PLD5: variants seen among roughly 807,000 people sequenced by gnomAD.
PLD5 encodes the protein phospholipase D family member 5.
A neutral mutation model predicts 61.1 loss-of-function variants in PLD5; 36 were observed. That is an observed-to-expected ratio of 0.59 (90% CI 0.45 to 0.78). The LOEUF is 0.78. Among genes scored for constraint, PLD5 ranks in the 30% least tolerant of loss-of-function variants. PLD5 has a pLI of 0.00. For synonymous variants in PLD5, 243 were observed against 242.8 expected (o/e 1.00, Z -0.01); for missense variants, 515 against 644.4 (o/e 0.80, Z 2.17).
chr1:242,452,533 AGGCTG>A (rs1397914328), intron 1 of PLD5, among the ~76,000 whole-genome samples: 1 of 152,170 alleles, frequency 6.6e-6, no homozygotes, highest in Non-Finnish European at 1.5e-5. Context: ...GTGGACATCC[AGGCTG>A]GGCACGATGA....
At chr1:242,204,825 G>A (rs565712298) in intron 5 of PLD5, among the ~76,000 whole-genome samples, 6 of 152,200 alleles carry the variant, frequency 3.9e-5, no homozygotes, top group South Asian at 2.1e-4. Flanking sequence ...AATCAATTTC[G>A]GTTCTATCTG....
chr1:242,168,842 T>G (rs895682502), intron 5 of PLD5, among the ~76,000 whole-genome samples: 1 of 114,088 alleles, frequency 8.8e-6, no homozygotes, highest in Non-Finnish European at 1.7e-5. Flanking sequence ...TTTTAATTAA[T>G]GAAGTTTTTT....
chr1:242,369,253 G>A (rs1247843181), intron 1 of PLD5, among the ~76,000 whole-genome samples: 1 of 152,200 alleles, frequency 6.6e-6, no homozygotes, highest in Non-Finnish European at 1.5e-5. Context: ...GAACTGTAAT[G>A]GGTGGAGGTT....
chr1:242,297,675 C>T (rs1462775318), intron 2 of PLD5, among the ~76,000 whole-genome samples: 1 of 144,188 alleles, frequency 6.9e-6, no homozygotes, highest in Admixed American at 7.0e-5. Context: ...CTCTGTCGCC[C>T]AGGCCGGACT....
At chr1:242,109,964 T>C (rs1661351095) in intron 7 of PLD5, among the ~76,000 whole-genome samples, 1 of 151,116 alleles carries the variant, frequency 6.6e-6, no homozygotes, top group African/African-American at 2.4e-5. Flanking sequence ...AGGAGACTAT[T>C]AGAACACAGA....
At chr1:242,451,120 G>A (rs1666760597) in intron 1 of PLD5, among the ~76,000 whole-genome samples, 1 of 152,134 alleles carries the variant, frequency 6.6e-6, no homozygotes, top group African/African-American at 2.4e-5. Context: ...CTACTGCAGT[G>A]TGACCAGGAA....
At chr1:242,324,342 C>T (rs544861718) in intron 2 of PLD5, among the ~76,000 whole-genome samples, 5 of 152,230 alleles carry the variant, frequency 3.3e-5, no homozygotes, top group African/African-American at 9.6e-5. Flanking sequence ...AATTTGCACG[C>T]TAAGCAAAAG....
At chr1:242,434,788 T>C (rs1458717912) in intron 1 of PLD5, among the ~76,000 whole-genome samples, 1 of 152,090 alleles carries the variant, frequency 6.6e-6, no homozygotes, top group African/African-American at 2.4e-5. Context: ...TAATTTTTTG[T>C]ATGTTTAGTA....
intron 1 of PLD5, among the ~76,000 whole-genome samples, chr1:242,353,573 T>A (rs1660592862): frequency 6.6e-6 from 1 of 152,136 alleles, no homozygotes; most frequent in South Asian, 2.1e-4. Flanking sequence ...GACATTGGGA[T>A]TTTGATAAGA....
At chr1:242,357,798 T>C (rs867560266) in intron 1 of PLD5, among the ~76,000 whole-genome samples, 1 of 152,188 alleles carries the variant, frequency 6.6e-6, no homozygotes, top group East Asian at 1.9e-4. Context: ...TTAATGACTT[T>C]TTGATCCAAT....
At chr1:242,136,918 G>C (rs971863480) in intron 5 of PLD5, among the ~76,000 whole-genome samples, 2 of 152,190 alleles carry the variant, frequency 1.3e-5, no homozygotes, top group Admixed American at 6.5e-5. Context: ...CTGGTTGAAG[G>C]CTATAAAATA....
intron 5 of PLD5, among the ~76,000 whole-genome samples, chr1:242,182,082 TTGATTAA>T (rs1667555405): frequency 6.6e-6 from 1 of 152,224 alleles, no homozygotes. Flanking sequence ...TATTTGCTGT[TTGATTAA>T]TGATGATTCT....
intron 3 of PLD5, among the ~76,000 whole-genome samples, chr1:242,271,734 C>T (rs1313331837): frequency 6.6e-6 from 1 of 152,086 alleles, no homozygotes. Flanking sequence ...AAACTGTAAC[C>T]AAACAGTAAA....
chr1:242,458,017 C>A (rs1666996459), intron 1 of PLD5, among the ~76,000 whole-genome samples: 1 of 152,160 alleles, frequency 6.6e-6, no homozygotes, highest in Non-Finnish European at 1.5e-5. Context: ...GACCTTTGTG[C>A]CTGGGACCCA....
intron 1 of PLD5, among the ~76,000 whole-genome samples, chr1:242,376,069 T>C (rs1321945855): frequency 6.6e-6 from 1 of 152,216 alleles, no homozygotes; most frequent in Admixed American, 6.5e-5. Context: ...ATTATATAAA[T>C]CTATTGGTCT....
At chr1:242,154,041 T>C (rs990100312) in intron 5 of PLD5, among the ~76,000 whole-genome samples, 3 of 152,210 alleles carry the variant, frequency 2.0e-5, no homozygotes, top group African/African-American at 7.2e-5. Flanking sequence ...TGGTTTGTAG[T>C]TCTCCTTGAA....
At chr1:242,394,152 A>G (rs1454947584) in intron 1 of PLD5, among the ~76,000 whole-genome samples, 4 of 116,744 alleles carry the variant, frequency 3.4e-5, no homozygotes, top group East Asian at 2.4e-4. Context: ...ATATATGTGT[A>G]TATATATGAG....
intron 7 of PLD5, among the ~76,000 whole-genome samples, chr1:242,112,766 A>G (rs1661630376): frequency 1.3e-5 from 2 of 152,186 alleles, no homozygotes; most frequent in South Asian, 4.1e-4. Flanking sequence ...TAATATTCCA[A>G]ATTAAAAAGG....
intron 1 of PLD5, among the ~76,000 whole-genome samples, chr1:242,461,992 T>C (rs1667133747): frequency 6.6e-6 from 1 of 152,242 alleles, no homozygotes; most frequent in Non-Finnish European, 1.5e-5. Flanking sequence ...ATGCATAGTT[T>C]ACAAATATCT....
Sources: gnomAD v4.1 joint callset for allele counts (sites outside exome capture counted in the v4.1 genomes callset) on GRCh38, gnomAD v4.1.1 for gene constraint, MANE v1.5 for transcripts, NCBI Gene and HGNC (gene_info 2026-07-23, HGNC 2026-07-21) for gene names.